Variants in RBFOX3 observed in about 807,000 individuals in gnomAD.
The protein encoded by RBFOX3 is RNA binding fox-1 homolog 3, also known as RNA binding protein fox-1 homolog 3.
In RBFOX3, 17 loss-of-function variants were observed where a neutral mutation model predicts 48.7. The observed-to-expected ratio is 0.35, with a 90% CI of 0.24 to 0.52. The LOEUF is 0.52. Among genes scored for constraint, RBFOX3 ranks in the 20% least tolerant of loss-of-function variants. The pLI, the probability that RBFOX3 is intolerant of heterozygous loss-of-function variation, is 0.94. For synonymous variants in RBFOX3, 212 were observed against 209.5 expected, an observed-to-expected ratio of 1.01 and a Z score of -0.10; for missense variants, 382 against 497.5, an observed-to-expected ratio of 0.77 and a Z score of 2.21.
At chr17:79,334,678 A>C (rs927510611) in intron 2 of RBFOX3, among the ~76,000 whole-genome samples, 57 of 152,230 alleles carry the variant, frequency 3.7e-4, no homozygotes, top group African/African-American at 1.4e-3. Context: ...TGCAGGCCCA[A>C]GACTGAGCTC....
chr17:79,268,169 G>A (rs1365034122), intron 3 of RBFOX3, among the ~76,000 whole-genome samples: 1 of 139,910 alleles, frequency 7.1e-6, no homozygotes, highest in Non-Finnish European at 1.6e-5. Flanking sequence ...TCTCGTCTGC[G>A]AGTCTGCGAG....
At chr17:79,100,641 A>G (rs978903545) in intron 9 of RBFOX3, among the ~76,000 whole-genome samples, 5 of 152,184 alleles carry the variant, frequency 3.3e-5, no homozygotes, top group Non-Finnish European at 7.4e-5. Flanking sequence ...GTCCACGGCA[A>G]CAGGGAGATC....
chr17:79,635,636 A>G, the RBFOX3 span, among the ~76,000 whole-genome samples: 1 of 152,244 alleles, frequency 6.6e-6, no homozygotes, highest in Non-Finnish European at 1.5e-5. Flanking sequence ...GAAAAAATAG[A>G]GACTATAAAC....
chr17:79,448,113 T>C (rs2072717434), intron 2 of RBFOX3, among the ~76,000 whole-genome samples: 2 of 152,174 alleles, frequency 1.3e-5, no homozygotes, highest in Admixed American at 1.3e-4. Context: ...GTGAGTCCAT[T>C]AAACCTCTTT....
chr17:79,289,198 G>A (rs1011560246), intron 3 of RBFOX3, among the ~76,000 whole-genome samples: 1 of 152,206 alleles, frequency 6.6e-6, no homozygotes, highest in Non-Finnish European at 1.5e-5. Flanking sequence ...CTCTGCCCAC[G>A]TCGTAGTCTC....
At chr17:79,270,144 C>T (rs755220429) in intron 3 of RBFOX3, among the ~76,000 whole-genome samples, 6 of 152,194 alleles carry the variant, frequency 3.9e-5, no homozygotes, top group Non-Finnish European at 7.3e-5. Context: ...TTGCCATTGG[C>T]TCCTCTTCCT....
At chr17:79,163,403 G>A (rs1402860149) in intron 4 of RBFOX3, among the ~76,000 whole-genome samples, 1 of 152,236 alleles carries the variant, frequency 6.6e-6, no homozygotes, top group Non-Finnish European at 1.5e-5. Flanking sequence ...CTCCAGGGAT[G>A]CTCTTCAGGC....
At chr17:79,462,398 C>G (rs2075488333) in intron 2 of RBFOX3, among the ~76,000 whole-genome samples, 1 of 152,200 alleles carries the variant, frequency 6.6e-6, no homozygotes, top group Non-Finnish European at 1.5e-5. Flanking sequence ...AGTCATGGAG[C>G]ATTACATGGA....
chr17:79,639,950 A>G, the RBFOX3 span, among the ~76,000 whole-genome samples: 10 of 152,328 alleles, frequency 6.6e-5, no homozygotes, highest in Non-Finnish European at 1.3e-4. Flanking sequence ...TTTCTATTCA[A>G]CGTAGTACAG....
intron 1 of RBFOX3, among the ~76,000 whole-genome samples, chr17:79,489,816 C>G (rs2080230000): frequency 6.6e-6 from 1 of 152,138 alleles, no homozygotes; most frequent in Non-Finnish European, 1.5e-5. Flanking sequence ...CCTCTCATAC[C>G]TTTCAGGGCT....
the RBFOX3 span, among the ~76,000 whole-genome samples, chr17:79,660,932 T>G: frequency 6.6e-6 from 1 of 152,134 alleles, no homozygotes; most frequent in Non-Finnish European, 1.5e-5. Context: ...ATATATACCA[T>G]GGAATATTAT....
At chr17:79,112,125 G>GCTCCACCCCA (rs2031887032) in intron 5 of RBFOX3, among the ~76,000 whole-genome samples, 1 of 152,216 alleles carries the variant, frequency 6.6e-6, no homozygotes, top group African/African-American at 2.4e-5. Context: ...CCTGCTCAGA[G>GCTCCACCCCA]GGGAGGAGCC....
At chr17:79,664,019 G>A in the RBFOX3 span, among the ~76,000 whole-genome samples, 4 of 152,048 alleles carry the variant, frequency 2.6e-5, no homozygotes, top group African/African-American at 9.7e-5. Context: ...AGCAGGCCTC[G>A]CCAGCCCCAA....
At chr17:79,178,116 C>T (rs1275429285) in intron 4 of RBFOX3, among the ~76,000 whole-genome samples, 1 of 152,222 alleles carries the variant, frequency 6.6e-6, no homozygotes, top group Admixed American at 6.5e-5. Context: ...CGGGCTCCTA[C>T]GGGCTCCTTC....
intron 2 of RBFOX3, among the ~76,000 whole-genome samples, chr17:79,455,856 C>T (rs1555744604): frequency 6.6e-6 from 1 of 152,186 alleles, no homozygotes; most frequent in African/African-American, 2.4e-5. Flanking sequence ...AGCCTGGCCT[C>T]CCCCGAGGGC....
At chr17:79,185,378 C>T (rs567809459) in intron 4 of RBFOX3, among the ~76,000 whole-genome samples, 41 of 152,166 alleles carry the variant, frequency 2.7e-4, no homozygotes, top group Non-Finnish European at 4.7e-4. Context: ...GGTCCCAGCG[C>T]AAGGGCCGGG....
intron 3 of RBFOX3, among the ~76,000 whole-genome samples, chr17:79,294,165 G>A (rs1377635145): frequency 6.6e-6 from 1 of 152,216 alleles, no homozygotes; most frequent in Non-Finnish European, 1.5e-5. Context: ...TCTCCAACAA[G>A]CCGCTGCTCT....
chr17:79,419,152 C>T (rs2065844283), intron 2 of RBFOX3, among the ~76,000 whole-genome samples: 2 of 152,176 alleles, frequency 1.3e-5, no homozygotes, highest in South Asian at 4.1e-4. Flanking sequence ...CTGTGGGCTG[C>T]CCGGCCATGC....
intron 2 of RBFOX3, among the ~76,000 whole-genome samples, chr17:79,313,309 G>T (rs895496616): frequency 6.6e-6 from 1 of 152,218 alleles, no homozygotes; most frequent in African/African-American, 2.4e-5. Context: ...CCAAAGATGG[G>T]ATGGATGTCC....
Sources: gnomAD v4.1 joint callset for allele counts (sites outside exome capture counted in the v4.1 genomes callset) on GRCh38, gnomAD v4.1.1 for gene constraint, MANE v1.5 for transcripts, NCBI Gene and HGNC (gene_info 2026-07-23, HGNC 2026-07-21) for gene names.